Variants in LZTS2 observed in about 807,000 individuals in gnomAD.
The protein encoded by LZTS2 is leucine zipper tumor suppressor 2, also known as leucine zipper putative tumor suppressor 2.
LZTS2 carries 32 observed loss-of-function variants against 60.6 expected under a neutral mutation model. That is an observed-to-expected ratio of 0.53 (90% CI 0.40 to 0.71). The LOEUF (loss-of-function observed/expected upper bound fraction) is 0.71, where lower values mean the gene tolerates loss of function less well. Among genes scored for constraint, LZTS2 ranks in the 30% least tolerant of loss-of-function variants. The probability of loss-of-function intolerance (pLI) is 0.00; values close to 1 mark genes in which losing one functional copy is unlikely to be tolerated. For missense variants in LZTS2, 792 were observed against 901.9 expected (o/e 0.88, Z 1.56); for synonymous variants, 360 against 393.1 (o/e 0.92, Z 1.00).
exon 1 of LZTS2, chr10:101,000,820 CA>C (rs1852019875): frequency 6.6e-6 from 1 of 152,300 alleles, no homozygotes; most frequent in African/African-American, 2.4e-5. Context: ...CCCAGCCCTA[CA>C]GAGGGGCCTG....
upstream of LZTS2, chr10:100,998,323 C>T (rs1851955739): frequency 6.5e-6 from 1 of 153,014 alleles, no homozygotes; most frequent in African/African-American, 2.4e-5. Context: ...CTCGGTGCCC[C>T]AGGAGGCAGG....
chr10:101,000,306 G>C (rs1464633428), exon 1 of LZTS2: 1 of 152,304 alleles, frequency 6.6e-6, no homozygotes, highest in African/African-American at 2.4e-5. Flanking sequence ...AGAATGAGGG[G>C]TTCCCATCTC....
exon 2 of LZTS2, chr10:101,003,752 C>T (rs78785945): frequency 5.5e-4 from 883 of 1,613,020 alleles, no homozygotes; most frequent in Admixed American, 1.9e-3. Flanking sequence ...GGACGCTATC[C>T]GACTCTGGCC....
chr10:101,005,635 G>A (rs753632074), exon 3 of LZTS2: 4 of 1,610,790 alleles, frequency 2.5e-6, no homozygotes, highest in African/African-American at 1.3e-5. Flanking sequence ...GCAGGAGCGC[G>A]AACAGCTGGA....
At chr10:101,002,594 C>G in exon 1 of LZTS2, 1 of 1,552,090 alleles carries the variant, frequency 6.4e-7, no homozygotes, top group Non-Finnish European at 8.7e-7. Context: ...GAAGCTGCCA[C>G]TGCCCCACAA....
chr10:100,999,904 T>C (rs1004991853), exon 1 of LZTS2: 8 of 152,538 alleles, frequency 5.2e-5, no homozygotes, highest in African/African-American at 1.9e-4. Context: ...GGCGCGCCTG[T>C]GGAGCGCTGG....
exon 4 of LZTS2, chr10:101,007,242 T>C (rs1590040987): frequency 6.9e-7 from 1 of 1,453,306 alleles, no homozygotes. Flanking sequence ...GGCCCCAGGG[T>C]CCACGGATGG....
chr10:100,997,013 A>C (rs1851929142), upstream of LZTS2: 1 of 152,162 alleles, frequency 6.6e-6, no homozygotes, highest in Non-Finnish European at 1.5e-5. Context: ...TGCGGGGCAG[A>C]CCACTCCCCT....
upstream of LZTS2, among the ~76,000 whole-genome samples, chr10:100,998,100 T>G (rs1450942791): frequency 6.6e-6 from 1 of 151,892 alleles, no homozygotes; most frequent in Non-Finnish European, 1.5e-5. Context: ...AGTCGGAGTC[T>G]CCTCCCCCCA....
upstream of LZTS2, chr10:100,999,443 G>A (rs965493331): frequency 2.0e-5 from 3 of 152,444 alleles, no homozygotes; most frequent in African/African-American, 7.2e-5. Context: ...AGCGTGTCAG[G>A]GAAGCTTCGC....
chr10:101,004,490 C>G (rs139975549), intron 2 of LZTS2, among the ~76,000 whole-genome samples: 2,618 of 152,316 alleles, frequency 0.017, 37 homozygotes, highest in Non-Finnish European at 0.027. Flanking sequence ...GTAGTCCCAG[C>G]TACTTGGGAG....
Position 101,006,430 on chromosome 10 carries a change from T to G in LZTS2, c.1327-55T>G. ...AATGCCCAGCATGATGTGCAGGGCC[T>G]GTCCCCCCAGGAGAACCTGTCTCAC... is the stretch of plus-strand genomic sequence containing the variant. On this transcript the variant is annotated intron_variant, in intron 3 of 3. Transcript: ENST00000370220. 6 of 1,544,546 alleles carry G rather than the reference T, an allele frequency of 3.9e-6. No individual in the cohort carries two copies. The South Asian group carries it at 6.1e-5, about 16-fold the overall frequency.
At chr10:101,007,776 T>A in exon 4 of LZTS2, 1 of 492,286 alleles carries the variant, frequency 2.0e-6, no homozygotes, top group Non-Finnish European at 2.7e-6. Context: ...TTTTTCACAC[T>A]GTAAATTTCT....
upstream of LZTS2, chr10:100,998,942 G>C (rs1851968331): frequency 6.6e-6 from 1 of 152,498 alleles, no homozygotes; most frequent in Non-Finnish European, 1.5e-5. Flanking sequence ...TGTGGGAAAG[G>C]TCTTGTGGGT....
chr10:100,996,857 A>G (rs1253643977), upstream of LZTS2, among the ~76,000 whole-genome samples: 6 of 152,204 alleles, frequency 3.9e-5, no homozygotes, highest in East Asian at 9.6e-4. Flanking sequence ...GCAGCCAGGT[A>G]GCCGAATTCT....
At chr10:101,005,555 T>TGCTGCAGCTGCAGGTGTTCCA (rs1314172238) in exon 3 of LZTS2, 5 of 1,609,532 alleles carry the variant, frequency 3.1e-6, no homozygotes, top group Admixed American at 3.3e-5. Context: ...GCCCAACAGC[T>TGCTGCAGCTGCAGGTGTTCCA]GCTGCAGCTG....
At chr10:101,006,991 C>G in exon 4 of LZTS2, 1 of 1,558,252 alleles carries the variant, frequency 6.4e-7, no homozygotes, top group Non-Finnish European at 8.7e-7. Context: ...AGCAGGTGAT[C>G]CGCTACCAGA....
Position 101,005,686 on chromosome 10 carries a change from G to C in LZTS2, c.1297G>C (p.Gly433Arg). 1.9e-6 allele frequency: 3 copies of C among 1,598,622 alleles called. No individual in the cohort carries two copies. Among genetic ancestry groups the C allele is most frequent in the Non-Finnish European group, 2.6e-6 (3 of 1,171,694 alleles). ...CTTGGAGCGGGAGCAGCGGGAGCTC[G>C]GGCCGAGGCTTGAGGAGACCAAGTG... Residue 433 changes from glycine (G) to arginine (R), a missense_variant, in exon 3 of 4, where the codon GGG becomes CGG. Coordinates refer to ENST00000370220, the Ensembl canonical transcript of LZTS2.
exon 4 of LZTS2, chr10:101,007,419 C>T: frequency 2.8e-6 from 4 of 1,439,338 alleles, no homozygotes; most frequent in African/African-American, 2.9e-5. Context: ...CCACTTCATT[C>T]CCCACCGCTG....
Sources: gnomAD v4.1 joint callset for allele counts (sites outside exome capture counted in the v4.1 genomes callset) on GRCh38, gnomAD v4.1.1 for gene constraint, MANE v1.5 for transcripts, NCBI Gene and HGNC (gene_info 2026-07-23, HGNC 2026-07-21) for gene names.